The following RPL22 variants were observed in gnomAD, a reference collection of about 807,000 sequenced individuals.
RPL22 encodes ribosomal protein L22.
A neutral mutation model predicts 16.2 loss-of-function variants in RPL22; 4 were observed. The observed-to-expected ratio is 0.25, with a 90% confidence interval of 0.12 to 0.57. The LOEUF (loss-of-function observed/expected upper bound fraction) is 0.57. RPL22 is among the 20% of genes least tolerant of loss of function. The pLI is 0.92. For missense variants in RPL22, 83 were observed against 156.1 expected (o/e 0.53, Z 2.49); for synonymous variants, 43 against 54.8 (o/e 0.78, Z 0.95).
At chr1:6,193,957 G>C (rs1013130830) in intron 2 of RPL22, among the ~76,000 whole-genome samples, 14 of 152,148 alleles carry the variant, frequency 9.2e-5, no homozygotes, top group African/African-American at 3.4e-4. Flanking sequence ...TGTAATCCCA[G>C]CACTTTGAGA....
rs779447954 is a variant in RPL22 at position 6,192,900 on chromosome 1, G to A, written c.242+30C>T. 1.5e-5 allele frequency: 24 copies of A among 1,589,614 alleles called. No individual in the cohort carries two copies. In the Admixed American group the frequency reaches 1.5e-4, roughly 10 times the overall value. ...AAGGCGGGCTGGGCACTGGGTGCAC[G>A]CAGGCCACACACACACTTCCCTCCT... On this transcript the variant is annotated intron_variant, in intron 3 of 3. Coordinates refer to ENST00000234875, the MANE Select transcript of RPL22 (RefSeq NM_000983.4).
intron 3 of RPL22, among the ~76,000 whole-genome samples, chr1:6,188,594 CCGG>C (rs1667610788): frequency 6.6e-6 from 1 of 151,750 alleles, no homozygotes; most frequent in Non-Finnish European, 1.5e-5. Flanking sequence ...AGCTCTCTCA[CCGG>C]CTTGCTTCCG....
At chr1:6,192,664 A>G (rs1220569285) in intron 3 of RPL22, among the ~76,000 whole-genome samples, 1 of 152,244 alleles carries the variant, frequency 6.6e-6, no homozygotes, top group Non-Finnish European at 1.5e-5. Flanking sequence ...GCGCCATTGC[A>G]CAACAGCCTG....
intron 3 of RPL22, among the ~76,000 whole-genome samples, chr1:6,189,890 C>T (rs1206450313): frequency 3.3e-5 from 5 of 152,162 alleles, no homozygotes; most frequent in Admixed American, 3.3e-4. Context: ...CATTGCACTC[C>T]AGCCTAGACA....
chr1:6,194,307 G>A (rs545540046), intron 2 of RPL22, among the ~76,000 whole-genome samples: 1 of 152,296 alleles, frequency 6.6e-6, no homozygotes, highest in Non-Finnish European at 1.5e-5. Context: ...AGCACTATCA[G>A]AAAATAAGCC....
intron 3 of RPL22, among the ~76,000 whole-genome samples, chr1:6,190,288 C>T (rs111487228): frequency 2.0e-5 from 3 of 152,206 alleles, no homozygotes; most frequent in Admixed American, 6.5e-5. Context: ...CTCTTCTTCA[C>T]GGACATAGCT....
Position 6,185,209 on chromosome 1 carries a change from C to A in RPL22, c.*1463G>T, listed in dbSNP as rs1216714877. 5 of 397,480 alleles carry A rather than the reference C, an allele frequency of 1.3e-5. No individual in the cohort carries two copies. Among genetic ancestry groups the A allele is most frequent in the African/African-American group, 1.0e-4 (5 of 48,574 alleles). The allele number at this position is 397,480 out of a possible 1,614,324, so 24.6% of individuals were successfully genotyped here. On this transcript the variant is annotated 3_prime_UTR_variant, in exon 4 of 4. Coordinates refer to ENST00000234875, the MANE Select transcript of RPL22 (RefSeq NM_000983.4). Reference sequence around the variant, plus strand: ...AGCCCAGGGTTTTTTCACAACCAAACTAAAAATGACTTACTACATGGGAAC... The same window carrying A: ...AGCCCAGGGTTTTTTCACAACCAAAATAAAAATGACTTACTACATGGGAAC...
intron 1 of RPL22, chr1:6,198,014 T>G (rs548481386): frequency 2.0e-6 from 1 of 492,662 alleles, no homozygotes; most frequent in South Asian, 3.0e-5. Context: ...CTTGACTCAC[T>G]CAAACTTTCC....
intron 2 of RPL22, among the ~76,000 whole-genome samples, chr1:6,194,739 T>C (rs1284591125): frequency 6.6e-6 from 1 of 151,826 alleles, no homozygotes; most frequent in Non-Finnish European, 1.5e-5. Context: ...AATTTAAAAA[T>C]TAGCTAGGTA....
At position 6,185,062 on chromosome 1, in the gene RPL22, A is replaced by G. The variant is rs1479011036; in HGVS notation, c.*1610T>C. On this transcript the variant is annotated 3_prime_UTR_variant, in exon 4 of 4. Coordinates refer to ENST00000234875, the MANE Select transcript of RPL22 (RefSeq NM_000983.4). ...GGTGTTAGCCACTTTAATAGAAAAT[A>G]TGATCAAAACTCGATTACAAGAGTT... 2 of 354,090 alleles carry G rather than the reference A, an allele frequency of 5.6e-6. No individual in the cohort carries two copies. Among genetic ancestry groups the G allele is most frequent in the African/African-American group, 4.2e-5 (2 of 47,878 alleles). 21.9% of individuals were successfully genotyped at this position (354,090 alleles called of 1,614,324 possible).
At chr1:6,188,581 G>GGCAGCTCTCTCA (rs1553145553) in intron 3 of RPL22, among the ~76,000 whole-genome samples, 3 of 150,820 alleles carry the variant, frequency 2.0e-5, no homozygotes, top group East Asian at 3.9e-4. Flanking sequence ...CCACAGTCTT[G>GGCAGCTCTCTCA]GCAGCTCTCT....
At position 6,195,740 on chromosome 1, in the gene RPL22, G is replaced by A. The variant is rs548820752; in HGVS notation, c.117+1912C>T. Reference sequence around the variant, plus strand: ...CACTCCAGCCTGGGTGACAGAGTGAGATTCCACCTCAAAAATAAATAAATA... The same window carrying A: ...CACTCCAGCCTGGGTGACAGAGTGAAATTCCACCTCAAAAATAAATAAATA... On this transcript the variant is annotated intron_variant, in intron 2 of 3. Coordinates refer to ENST00000234875, the MANE Select transcript of RPL22 (RefSeq NM_000983.4). 4.7e-5 allele frequency among the ~76,000 whole-genome samples: 7 copies of A among 148,958 alleles called. No individual in the cohort carries two copies. In the East Asian group the frequency reaches 8.1e-4, roughly 17 times the overall value.
chr1:6,198,171 C>T lies in RPL22; in HGVS notation c.13-415G>A, dbSNP rs1667746167. On this transcript the variant is annotated intron_variant, in intron 1 of 3. Transcript: ENST00000234875. Reference sequence around the variant, plus strand: ...GAGTGCAGGCATACAAAATGCCTTGCATACCCACAATTTTCATATGAAATC... The same window carrying T: ...GAGTGCAGGCATACAAAATGCCTTGTATACCCACAATTTTCATATGAAATC... 4 of 195,680 alleles carry T rather than the reference C, an allele frequency of 2.0e-5. No homozygotes were observed. In the South Asian group the frequency reaches 3.7e-4, roughly 18 times the overall value. 12.1% of individuals were successfully genotyped at this position (195,680 alleles called of 1,614,324 possible). A position where few individuals can be genotyped will look rare whatever the true frequency, so the allele number is the denominator to read the frequency against.
intron 3 of RPL22, among the ~76,000 whole-genome samples, chr1:6,191,554 A>G (rs1052541348): frequency 9.2e-5 from 14 of 151,482 alleles, no homozygotes; most frequent in Admixed American, 9.2e-4. Context: ...AGGCGCCTGT[A>G]GTCCCAGCTA....
intron 3 of RPL22, among the ~76,000 whole-genome samples, chr1:6,188,913 G>A (rs1388958075): frequency 6.6e-6 from 1 of 152,056 alleles, no homozygotes; most frequent in African/African-American, 2.4e-5. Flanking sequence ...AGCCTCCCGA[G>A]TAGCTGGGAT....
intron 2 of RPL22, among the ~76,000 whole-genome samples, chr1:6,195,264 T>C (rs1300584624): frequency 2.6e-5 from 4 of 150,968 alleles, no homozygotes; most frequent in Non-Finnish European, 4.4e-5. Context: ...GCTAACACGG[T>C]GAAACTCTGT....
intron 3 of RPL22, among the ~76,000 whole-genome samples, chr1:6,187,464 A>G (rs1199291982): frequency 3.9e-5 from 6 of 152,014 alleles, no homozygotes; most frequent in African/African-American, 1.5e-4. Context: ...AATACAAAAA[A>G]TTAGCCAGAC....
At chr1:6,193,685 A>G (rs1305704721) in intron 2 of RPL22, among the ~76,000 whole-genome samples, 4 of 152,026 alleles carry the variant, frequency 2.6e-5, no homozygotes, top group Non-Finnish European at 4.4e-5. Flanking sequence ...TCCTGGGCTC[A>G]AGTGATCCTC....
At chr1:6,199,296 C>T (rs1174404573) in intron 1 of RPL22, 12 of 907,986 alleles carry the variant, frequency 1.3e-5, no homozygotes, top group Middle Eastern at 3.8e-4. Flanking sequence ...ACCGCAGTCT[C>T]CAGGCTCCAG....
Sources: gnomAD v4.1 joint callset for allele counts (sites outside exome capture counted in the v4.1 genomes callset) on GRCh38, gnomAD v4.1.1 for gene constraint, MANE v1.5 for transcripts, NCBI Gene and HGNC (gene_info 2026-07-23, HGNC 2026-07-21) for gene names.